The following NOS2 variants were observed in gnomAD, a reference collection of about 807,000 sequenced individuals.
NOS2 encodes the protein nitric oxide synthase, inducible.
NOS2 carries 96 observed loss-of-function variants against 136.0 expected under a neutral mutation model. The observed-to-expected ratio is 0.71, with a 90% CI of 0.60 to 0.84. The LOEUF (loss-of-function observed/expected upper bound fraction) is 0.84. Among genes scored for constraint, NOS2 ranks in the 40% least tolerant of loss-of-function variants. The pLI, the probability that NOS2 is intolerant of heterozygous loss-of-function variation, is 0.00. For missense variants in NOS2, 1,237 were observed against 1,496.9 expected, an observed-to-expected ratio of 0.83 and a Z score of 2.87; for synonymous variants, 539 against 587.5, an observed-to-expected ratio of 0.92 and a Z score of 1.20.
intron 9 of NOS2, among the ~76,000 whole-genome samples, chr17:27,779,288 C>CTTATTATTA (rs140152355): frequency 6.2e-4 from 86 of 139,476 alleles, no homozygotes; most frequent in African/African-American, 1.8e-3. Flanking sequence ...AATTTTTTTC[C>CTTATTATTA]TTATTATTAT....
intron 23 of NOS2, 80 bp from the exon 24 acceptor site, chr17:27,760,824 C>T: frequency 1.3e-6 from 2 of 1,485,668 alleles, no homozygotes; most frequent in Non-Finnish European, 1.8e-6. Flanking sequence ...GGGAGCTGGG[C>T]CTGTGGGAGG....
At chr17:27,789,356 A>C (rs1909119571) in intron 3 of NOS2, among the ~76,000 whole-genome samples, 1 of 152,174 alleles carries the variant, frequency 6.6e-6, no homozygotes. Flanking sequence ...TATGGAACCC[A>C]GGAGATAGAA....
intron 16 of NOS2, 136 bp from the exon 17 acceptor site, chr17:27,769,287 G>GT (rs1908412562): frequency 1.1e-6 from 1 of 920,180 alleles, no homozygotes. Flanking sequence ...CCCCCTTCTG[G>GT]TCCTCTCCAT....
rs146850177 is a variant in NOS2, at chr17:27,785,520, C to T, written c.467+2158G>A. Among the ~76,000 whole-genome samples, 133 of 152,218 alleles carry T rather than the reference C, an allele frequency of 8.7e-4. 2 individuals are homozygous for T. The East Asian group carries it at 0.022, about 25-fold the overall frequency. ...TCCCCAGATTCTGCTGCCCTTGGCT[C>T]AAGGGACCCTGCCATCAGAATTTTG... On this transcript the variant is annotated intron_variant, in intron 5 of 26. Transcript: ENST00000313735.
intron 12 of NOS2, 125 bp from the exon 13 acceptor site, chr17:27,773,368 C>G (rs917116440): frequency 1.4e-5 from 10 of 693,652 alleles, no homozygotes; most frequent in Non-Finnish European, 1.5e-5. Flanking sequence ...TGGCCTGCGC[C>G]CCACCCCTGT....
At position 27,788,011 on chromosome 17, in the gene NOS2, T is replaced by G. The variant is rs376797779; in HGVS notation, c.319-185A>C. On this transcript the variant is annotated intron_variant, in intron 4 of 26. Coordinates refer to ENST00000313735, the MANE Select transcript of NOS2 (RefSeq NM_000625.4). ...TTTCTCCCACCTAGATCTCCTCTCT[T>G]CCACTGGCTGAACCCCAGTGGGTGT... Among the ~76,000 whole-genome samples the G allele has an allele frequency of 5.9e-4, 90 of 152,234 alleles. 2 individuals are homozygous for G. In the South Asian group the frequency reaches 0.018, roughly 30 times the overall value.
At chr17:27,759,772 G>A (rs1908054090) in intron 25 of NOS2, among the ~76,000 whole-genome samples, 1 of 152,196 alleles carries the variant, frequency 6.6e-6, no homozygotes, top group Non-Finnish European at 1.5e-5. Flanking sequence ...CAGGGGGCCT[G>A]CTGGGGACCT....
intron 5 of NOS2, among the ~76,000 whole-genome samples, chr17:27,784,154 A>ACACACACACACACC (rs1908939928): frequency 6.6e-6 from 1 of 151,542 alleles, no homozygotes; most frequent in African/African-American, 2.4e-5. Flanking sequence ...ACACACACAC[A>ACACACACACACACC]CACACACTAC....
intron 2 of NOS2, among the ~76,000 whole-genome samples, chr17:27,793,096 T>C (rs1452017161): frequency 6.7e-6 from 1 of 148,244 alleles, no homozygotes; most frequent in East Asian, 2.1e-4. Context: ...GACTGTGGCT[T>C]GCCTGGGCTG....
chr17:27,772,277 A>G (rs983443025), intron 14 of NOS2, 31 bp downstream of exon 14: 3 of 1,613,102 alleles, frequency 1.9e-6, no homozygotes, highest in South Asian at 2.2e-5. Context: ...CACAAGCAGA[A>G]AAAACAACAG....
At chr17:27,790,235 A>T (rs1317274967) in intron 2 of NOS2, among the ~76,000 whole-genome samples, 1 of 152,152 alleles carries the variant, frequency 6.6e-6, no homozygotes, top group Non-Finnish European at 1.5e-5. Context: ...CTGGGACTAC[A>T]GGCGCACACC....
At chr17:27,772,496 C>A (rs771701197) in intron 13 of NOS2, 44 bp from the exon 14 acceptor site, 1 of 1,605,832 alleles carries the variant, frequency 6.2e-7, no homozygotes, top group Non-Finnish European at 8.5e-7. Context: ...GCTGAGTCAG[C>A]CTTCCAGAAG....
chr17:27,797,673 T>C (rs16949), intron 2 of NOS2, among the ~76,000 whole-genome samples: 33,547 of 152,178 alleles, frequency 0.22, 3,830 homozygotes, highest in Middle Eastern at 0.24. Flanking sequence ...CTTGTGTAGA[T>C]GGGGGCTTTG....
At position 27,789,630 on chromosome 17, in the gene NOS2, G is replaced by A. The variant is rs538321247; in HGVS notation, c.169C>T (p.Pro57Ser). 1 of 1,614,032 alleles carries A rather than the reference G, an allele frequency of 6.2e-7. No individual in the cohort carries two copies. Among genetic ancestry groups the A allele is most frequent in the Admixed American group, 1.7e-5 (1 of 60,020 alleles). ...TTTCCCGTCTCCACGAGGGGCTGCG[G>A]GGACTCATTCTGCTGCTTGCTGAGG... is the stretch of plus-strand genomic sequence containing the variant. ...HNLSKQQNESPQPLVETGKKS... is the reference protein window; with the variant it reads ...HNLSKQQNESSQPLVETGKKS... The change falls in exon 3 of 27, where the codon CCG becomes TCG. Residue 57 changes from proline (P) to serine (S), a missense_variant. Around this residue, in one of 3 missense-constraint regions of NOS2, gnomAD observed 440 missense variants for 545.4 expected, o/e 0.81. Coordinates refer to ENST00000313735, the MANE Select transcript of NOS2 (RefSeq NM_000625.4).
At chr17:27,795,272 T>C (rs1213415400) in intron 2 of NOS2, among the ~76,000 whole-genome samples, 1 of 152,228 alleles carries the variant, frequency 6.6e-6, no homozygotes, top group Non-Finnish European at 1.5e-5. Context: ...ACAGATAGTG[T>C]AGATGTTATG....
chr17:27,776,577 G>A (rs1373118021), intron 11 of NOS2, among the ~76,000 whole-genome samples: 2 of 151,630 alleles, frequency 1.3e-5, no homozygotes, highest in African/African-American at 2.4e-5. Flanking sequence ...GGAGGCTGAG[G>A]CAGGAGAATT....
Position 27,767,749 on chromosome 17 carries a change from T to G in NOS2, c.2123A>C (p.His708Pro). The G allele has an allele frequency of 6.2e-7, 1 of 1,613,604 alleles. No homozygotes were observed. Among genetic ancestry groups the G allele is most frequent in the Non-Finnish European group, 8.5e-7 (1 of 1,180,028 alleles). Residue 708 changes from histidine (H) to proline (P), a missense_variant, in exon 18 of 27, where the codon CAC becomes CCC. Transcript: ENST00000313735. ...YTSNVTWDPH[H>P]YRLVQDSQPL... The stretch of plus-strand genomic sequence containing the variant: ...CTGTGAGTCCTGCACGAGCCTGTAG[T>G]GGTGCGGGTCCCAGGTCACATTGGA...
rs796534328 is a variant in NOS2, at chr17:27,799,641, C to T, written c.-74+698G>A. On this transcript the variant is annotated intron_variant, in intron 1 of 26. Transcript: ENST00000313735. The stretch of plus-strand genomic sequence containing the variant: ...GGAGGATCGCTTGAGTCCAAGAGTT[C>T]GAGTTCAGCCTGGGCAACATAGGGA... Among the ~76,000 whole-genome samples, 61 of 152,178 alleles carry T rather than the reference C, an allele frequency of 4.0e-4. 1 individual carries two copies. Among genetic ancestry groups the T allele is most frequent in the African/African-American group, 1.2e-3 (49 of 41,520 alleles).
intron 17 of NOS2, 41 bp from the exon 18 acceptor site, chr17:27,767,878 C>T (rs1453458261): frequency 6.2e-7 from 1 of 1,608,292 alleles, no homozygotes; most frequent in East Asian, 2.2e-5. Context: ...TGGTCAGCAG[C>T]AGCAGCATCC....
Sources: allele counts gnomAD v4.1 joint callset (sites outside exome capture counted in the v4.1 genomes callset), GRCh38; gene constraint gnomAD v4.1.1; regional missense constraint gnomAD v4.1.1; transcripts MANE v1.5; gene names NCBI Gene and HGNC (gene_info 2026-07-23, HGNC 2026-07-21).